EFNA5: variants seen among roughly 807,000 people sequenced by gnomAD.
EFNA5 encodes the protein ephrin A5.
A neutral mutation model predicts 22.9 loss-of-function variants in EFNA5; 5 were observed. That is an observed-to-expected ratio of 0.22 (90% CI 0.11 to 0.46). The LOEUF (loss-of-function observed/expected upper bound fraction) is 0.46, where lower values mean the gene tolerates loss of function less well. Among genes scored for constraint, EFNA5 ranks in the 20% least tolerant of loss-of-function variants. The pLI is 0.99. For missense variants in EFNA5, 237 were observed against 293.3 expected, an observed-to-expected ratio of 0.81 and a Z score of 1.40; for synonymous variants, 113 against 112.2, an observed-to-expected ratio of 1.01 and a Z score of -0.04.
intron 2 of EFNA5, among the ~76,000 whole-genome samples, chr5:107,420,403 T>C (rs900601194): frequency 6.6e-6 from 1 of 151,952 alleles, no homozygotes; most frequent in African/African-American, 2.4e-5. Context: ...ACACCCATTT[T>C]ACAGATGAAG....
chr5:107,478,009 G>A (rs1029249406), intron 1 of EFNA5, among the ~76,000 whole-genome samples: 2 of 152,070 alleles, frequency 1.3e-5, no homozygotes, highest in African/African-American at 2.4e-5. Context: ...CGAAATACAT[G>A]AGCAGGGTTT....
chr5:107,560,354 A>G (rs1265499565), intron 1 of EFNA5, among the ~76,000 whole-genome samples: 1 of 152,234 alleles, frequency 6.6e-6, no homozygotes, highest in Non-Finnish European at 1.5e-5. Context: ...TGATTCCTTA[A>G]ACAAAGTAAC....
intron 1 of EFNA5, among the ~76,000 whole-genome samples, chr5:107,582,874 TAGA>T (rs1467964631): frequency 6.6e-6 from 1 of 152,100 alleles, no homozygotes; most frequent in African/African-American, 2.4e-5. Context: ...GATGAATAGA[TAGA>T]AGATTAGCTT....
At chr5:107,596,538 A>C (rs543608086) in intron 1 of EFNA5, among the ~76,000 whole-genome samples, 24 of 152,262 alleles carry the variant, frequency 1.6e-4, no homozygotes, top group Admixed American at 1.3e-3. Context: ...GGTTGCTTCC[A>C]TCTCTTAGCT....
At chr5:107,461,974 T>A (rs1405145192) in intron 1 of EFNA5, among the ~76,000 whole-genome samples, 1 of 152,158 alleles carries the variant, frequency 6.6e-6, no homozygotes, top group Non-Finnish European at 1.5e-5. Flanking sequence ...GGCTACACAT[T>A]AACTAAATTC....
At chr5:107,457,462 T>A (rs1749724880) in intron 1 of EFNA5, among the ~76,000 whole-genome samples, 1 of 152,168 alleles carries the variant, frequency 6.6e-6, no homozygotes, top group African/African-American at 2.4e-5. Context: ...CTTTAAATCA[T>A]CTCTAGATTT....
chr5:107,670,647 C>G lies in EFNA5; in HGVS notation c.-34G>C. On this transcript the variant is annotated 5_prime_UTR_variant, in exon 1 of 5. Coordinates refer to ENST00000333274, the MANE Select transcript of EFNA5 (RefSeq NM_001962.3). ...GCCAGCGGCGGAGCCCCCGACGCGC[C>G]ACTCCGGGGAGAGAGCGGGGATCCG... 1 of 1,592,922 alleles carries G rather than the reference C, an allele frequency of 6.3e-7. No homozygotes were observed. Among genetic ancestry groups the G allele is most frequent in the Middle Eastern group, 1.7e-4 (1 of 6,042 alleles).
intron 1 of EFNA5, among the ~76,000 whole-genome samples, chr5:107,619,582 C>T (rs756511405): frequency 3.9e-5 from 6 of 151,914 alleles, no homozygotes; most frequent in Non-Finnish European, 8.8e-5. Context: ...CCTGCCTCAG[C>T]CTCTCAAGTA....
At chr5:107,480,822 G>C (rs1018668747) in intron 1 of EFNA5, among the ~76,000 whole-genome samples, 2 of 152,202 alleles carry the variant, frequency 1.3e-5, no homozygotes, top group Non-Finnish European at 2.9e-5. Flanking sequence ...TGGAAGGAAC[G>C]AGCAATGGGG....
At chr5:107,666,660 T>C (rs1580591383) in intron 1 of EFNA5, among the ~76,000 whole-genome samples, 1 of 152,150 alleles carries the variant, frequency 6.6e-6, no homozygotes, top group Non-Finnish European at 1.5e-5. Flanking sequence ...GGACGACTGG[T>C]ATTCCTAAAA....
intron 1 of EFNA5, among the ~76,000 whole-genome samples, chr5:107,543,362 AC>A (rs1209714786): frequency 6.6e-6 from 1 of 152,216 alleles, no homozygotes; most frequent in East Asian, 1.9e-4. Context: ...AATTTAAGTG[AC>A]GTTGTCAATC....
At chr5:107,443,399 T>C (rs543017368) in intron 1 of EFNA5, among the ~76,000 whole-genome samples, 3 of 152,210 alleles carry the variant, frequency 2.0e-5, no homozygotes, top group African/African-American at 7.2e-5. Context: ...TCCTCTGACA[T>C]GCATGCCAGA....
chr5:107,621,720 T>C (rs1382004314), intron 1 of EFNA5, among the ~76,000 whole-genome samples: 1 of 152,198 alleles, frequency 6.6e-6, no homozygotes, highest in African/African-American at 2.4e-5. Context: ...CTAGAAAACA[T>C]GTAATTATTA....
chr5:107,378,385 G>C lies in EFNA5; in HGVS notation c.*2870C>G, dbSNP rs542343761. On this transcript the variant is annotated 3_prime_UTR_variant, in exon 5 of 5. Transcript: ENST00000333274. Reference sequence around the variant, plus strand: ...GGCAACCAGGGGCAAAGGTCACTGGGGTTTGACTAACTGGGGCTGAGTGGC... The same window carrying C: ...GGCAACCAGGGGCAAAGGTCACTGGCGTTTGACTAACTGGGGCTGAGTGGC... 1 of 151,916 alleles carries C rather than the reference G, an allele frequency of 6.6e-6. No homozygotes were observed. The highest frequency in any genetic ancestry group is 6.6e-5 in the Admixed American group (1 of 15,254). The allele number at this position is 151,916 out of a possible 1,614,324, so 9.4% of individuals were successfully genotyped here.
chr5:107,442,389 C>G (rs1374325063), intron 1 of EFNA5, among the ~76,000 whole-genome samples: 1 of 152,048 alleles, frequency 6.6e-6, no homozygotes, highest in Non-Finnish European at 1.5e-5. Flanking sequence ...TTCCCAGGAC[C>G]TATAGATGTC....
chr5:107,520,432 A>C (rs2112442573), intron 1 of EFNA5, among the ~76,000 whole-genome samples: 1 of 152,360 alleles, frequency 6.6e-6, no homozygotes, highest in East Asian at 1.9e-4. Context: ...TTCAATCTGA[A>C]CACATAAAAA....
At position 107,492,782 on chromosome 5, in the gene EFNA5, T is replaced by G. The variant is rs1746846391; in HGVS notation, c.126-65273A>C. On this transcript the variant is annotated intron_variant, in intron 1 of 4. Coordinates refer to ENST00000333274, the MANE Select transcript of EFNA5 (RefSeq NM_001962.3). ...CGGAGGCCGAGGCGGGCGGATCATC[T>G]GAGGTCAGGAGTTTGAGACCAGCTT... Among the ~76,000 whole-genome samples the G allele has an allele frequency of 3.9e-5, 6 of 152,300 alleles. No homozygotes were observed. In the South Asian group the frequency reaches 1.2e-3, roughly 32 times the overall value.
At chr5:107,588,521 C>A (rs935702999) in intron 1 of EFNA5, among the ~76,000 whole-genome samples, 4 of 152,148 alleles carry the variant, frequency 2.6e-5, no homozygotes, top group Non-Finnish European at 5.9e-5. Flanking sequence ...GTTTATGCTC[C>A]ACAGCAGAGA....
intron 1 of EFNA5, among the ~76,000 whole-genome samples, chr5:107,526,635 T>C (rs1341017140): frequency 6.6e-6 from 1 of 152,254 alleles, no homozygotes; most frequent in African/African-American, 2.4e-5. Flanking sequence ...GTGAAAAGTA[T>C]ATAGAAAAGA....
Sources: gnomAD v4.1 joint callset for allele counts (sites outside exome capture counted in the v4.1 genomes callset) on GRCh38, gnomAD v4.1.1 for gene constraint, MANE v1.5 for transcripts, NCBI Gene and HGNC (gene_info 2026-07-23, HGNC 2026-07-21) for gene names.